RSF1: variants seen among roughly 807,000 people sequenced by gnomAD.
The protein encoded by RSF1 is remodeling and spacing factor 1, also known as HBV pX-associated protein 8.
In RSF1, 13 loss-of-function variants were observed where a neutral mutation model predicts 145.2. The observed-to-expected ratio is 0.09, with a 90% CI of 0.06 to 0.14. RSF1 has a LOEUF of 0.14. Among genes scored for constraint, RSF1 ranks in the 10% least tolerant of loss-of-function variants. The pLI is 1.00. For missense variants in RSF1, 1,517 were observed against 1,718.2 expected, an observed-to-expected ratio of 0.88 and a Z score of 2.07; for synonymous variants, 577 against 592.6, an observed-to-expected ratio of 0.97 and a Z score of 0.38.
the RSF1 span, among the ~76,000 whole-genome samples, chr11:77,846,528 GA>G: frequency 1.2e-4 from 18 of 152,178 alleles, no homozygotes; most frequent in African/African-American, 3.9e-4. Flanking sequence ...CCAACGTGGA[GA>G]AACCCCGTCT....
At chr11:77,758,958 C>A (rs1414148501) in intron 2 of RSF1, among the ~76,000 whole-genome samples, 1 of 152,158 alleles carries the variant, frequency 6.6e-6, no homozygotes, top group African/African-American at 2.4e-5. Flanking sequence ...TTGACAAAGT[C>A]TAACTAATCT....
the RSF1 span, among the ~76,000 whole-genome samples, chr11:77,844,515 C>T: frequency 5.9e-5 from 9 of 152,092 alleles, no homozygotes; most frequent in South Asian, 1.9e-3. Flanking sequence ...GGCATGCAAT[C>T]ACACCTGGCT....
At chr11:77,695,369 A>G (rs1291079376) in intron 7 of RSF1, among the ~76,000 whole-genome samples, 1 of 152,030 alleles carries the variant, frequency 6.6e-6, no homozygotes, top group Non-Finnish European at 1.5e-5. Flanking sequence ...CCTTCTACAT[A>G]TGTTATTAGG....
Position 77,689,026 on chromosome 11 carries a change from T to C in RSF1, c.2900+2133A>G, listed in dbSNP as rs551134419. On this transcript the variant is annotated intron_variant, in intron 9 of 15. Coordinates refer to ENST00000308488, the MANE Select transcript of RSF1 (RefSeq NM_016578.4). ...AAGCTAAATTTGGAGGGCGAGACTATGAGTCAGGGGATATAAGGTAAAGAA... is the reference window on the plus strand; with the variant it reads ...AAGCTAAATTTGGAGGGCGAGACTACGAGTCAGGGGATATAAGGTAAAGAA... Among the ~76,000 whole-genome samples the C allele has an allele frequency of 4.0e-4, 61 of 152,318 alleles. 1 individual carries two copies. The highest frequency in any genetic ancestry group is 1.0e-3 in the Admixed American group (16 of 15,292).
At chr11:77,708,356 G>T (rs1369949938) in intron 5 of RSF1, among the ~76,000 whole-genome samples, 1 of 152,118 alleles carries the variant, frequency 6.6e-6, no homozygotes, top group African/African-American at 2.4e-5. Flanking sequence ...CTGAGCCCAG[G>T]GAAGCTGAGC....
intron 1 of RSF1, among the ~76,000 whole-genome samples, chr11:77,769,883 C>G (rs1176709242): frequency 6.6e-6 from 1 of 152,174 alleles, no homozygotes; most frequent in East Asian, 1.9e-4. Flanking sequence ...ACAGTTGACA[C>G]TTTATCTAGG....
At chr11:77,811,873 G>T (rs918232670) in intron 1 of RSF1, among the ~76,000 whole-genome samples, 1 of 152,146 alleles carries the variant, frequency 6.6e-6, no homozygotes, top group African/African-American at 2.4e-5. Context: ...GGTAATTCAA[G>T]ATTAAGAATA....
chr11:77,704,381 T>C (rs1565154492), intron 5 of RSF1, among the ~76,000 whole-genome samples: 3 of 152,178 alleles, frequency 2.0e-5, no homozygotes, highest in African/African-American at 7.2e-5. Context: ...AAACACAAGT[T>C]AATATTTTTT....
Position 77,820,571 on chromosome 11 carries a change from C to T in RSF1, c.144G>A (p.Glu48=). The change falls in exon 1 of 16, where the codon GAG becomes GAA. Residue 48 remains glutamate (E), a synonymous_variant. Transcript: ENST00000308488. ...DLPELPFPEL[E]RVLQAPPPDV... is the part of the protein sequence containing the mutation. ...CCGGCGGCGGCGCCTGCAGCACCCG[C>T]TCCAGCTCAGGGAACGGCAACTCAG... 1.9e-6 allele frequency: 3 copies of T among 1,556,810 alleles called. No individual in the cohort carries two copies. The highest frequency in any genetic ancestry group is 2.6e-6 in the Non-Finnish European group (3 of 1,151,486).
chr11:77,712,243 A>G (rs1018424082), intron 5 of RSF1, among the ~76,000 whole-genome samples: 2 of 152,062 alleles, frequency 1.3e-5, no homozygotes, highest in African/African-American at 4.8e-5. Context: ...AAGTCTCAGG[A>G]GATGTGATGG....
At chr11:77,853,935 C>T in the RSF1 span, among the ~76,000 whole-genome samples, 4 of 151,458 alleles carry the variant, frequency 2.6e-5, no homozygotes, top group South Asian at 2.1e-4. Context: ...AGTGAGACTC[C>T]GTCTCAAAAA....
At chr11:77,682,618 T>C (rs1052687820) in intron 11 of RSF1, among the ~76,000 whole-genome samples, 4 of 152,154 alleles carry the variant, frequency 2.6e-5, no homozygotes, top group Non-Finnish European at 5.9e-5. Flanking sequence ...ACTAGGTACT[T>C]ATGGAGCATT....
chr11:77,666,906 GAA>G lies in RSF1; in HGVS notation c.*9_*10del. 1 of 1,502,480 alleles carries G rather than the reference GAA, an allele frequency of 6.7e-7. No individual in the cohort carries two copies. 93.1% of individuals were successfully genotyped at this position (1,502,480 alleles called of 1,614,324 possible). On this transcript the variant is annotated 3_prime_UTR_variant, in exon 16 of 16. Transcript: ENST00000308488. ...CGTGGAATAAATTAGCACAAAAATG[GAA>G]AAAAAGTCTTATAACTGTTCACTGT...
In RSF1 at chr11:77,683,832, G is replaced by T; in HGVS notation, c.2956-13C>A. ...AAAAGTCTGGCTCCTTAAAAAATAT[G>T]ATAATAAGCATAGAGGTTATTCCTT... On this transcript the variant is annotated splice_polypyrimidine_tract_variant and intron_variant, in intron 10 of 15. Transcript: ENST00000308488. 6.3e-7 allele frequency: 1 copy of T among 1,580,542 alleles called. No homozygotes were observed. Among genetic ancestry groups the T allele is most frequent in the Non-Finnish European group, 8.7e-7 (1 of 1,154,342 alleles).
At chr11:77,863,805 C>G in the RSF1 span, among the ~76,000 whole-genome samples, 1 of 152,122 alleles carries the variant, frequency 6.6e-6, no homozygotes, top group African/African-American at 2.4e-5. Flanking sequence ...GTGAGCCTCT[C>G]TGCCTACCCC....
chr11:77,869,656 C>G, the RSF1 span: 1 of 1,441,028 alleles, frequency 6.9e-7, no homozygotes, highest in Non-Finnish European at 9.7e-7. Context: ...ATGAATCCCA[C>G]AAGAATGCCT....
intron 1 of RSF1, among the ~76,000 whole-genome samples, chr11:77,767,439 T>G (rs1948237284): frequency 6.6e-6 from 1 of 152,182 alleles, no homozygotes; most frequent in African/African-American, 2.4e-5. Flanking sequence ...CCTAAATACC[T>G]ACATAAACCC....
intron 1 of RSF1, among the ~76,000 whole-genome samples, chr11:77,769,272 A>T (rs539864168): frequency 6.6e-6 from 1 of 152,178 alleles, no homozygotes; most frequent in Admixed American, 6.5e-5. Flanking sequence ...CCAGCCATCA[A>T]TCATATTTTT....
intron 9 of RSF1, among the ~76,000 whole-genome samples, chr11:77,686,606 G>A (rs1429283893): frequency 2.0e-5 from 3 of 151,866 alleles, no homozygotes; most frequent in African/African-American, 7.3e-5. Flanking sequence ...CTTTTAGAGT[G>A]CAGCCTTTAG....
Sources: gnomAD v4.1 joint callset for allele counts (sites outside exome capture counted in the v4.1 genomes callset) on GRCh38, gnomAD v4.1.1 for gene constraint, MANE v1.5 for transcripts, NCBI Gene and HGNC (gene_info 2026-07-23, HGNC 2026-07-21) for gene names.